PLCH1: variants seen among roughly 807,000 people sequenced by gnomAD.
PLCH1 encodes phospholipase C eta 1.
A neutral mutation model predicts 126.7 loss-of-function variants in PLCH1; 60 were observed. That is an observed-to-expected ratio of 0.47 (90% CI 0.38 to 0.59). The LOEUF (loss-of-function observed/expected upper bound fraction) is 0.59, where lower values mean the gene tolerates loss of function less well. Ranked by LOEUF, PLCH1 falls within the 20% of genes least tolerant of loss-of-function variation. The pLI, the probability that PLCH1 is intolerant of heterozygous loss-of-function variation, is 0.00. For missense variants in PLCH1, 1,723 were observed against 2,040.0 expected, an observed-to-expected ratio of 0.84 and a Z score of 2.99; for synonymous variants, 719 against 734.9, an observed-to-expected ratio of 0.98 and a Z score of 0.35.
At chr3:155,537,207 A>C (rs1469545655) in intron 10 of PLCH1, among the ~76,000 whole-genome samples, 151 of 5,800 alleles carry the variant, frequency 0.026, 2 homozygotes, top group Middle Eastern at 0.25. Context: ...AAAACCAAAA[A>C]AAAAAAAAAA....
intron 2 of PLCH1, among the ~76,000 whole-genome samples, chr3:155,601,336 A>G (rs2108679351): frequency 6.6e-6 from 1 of 152,234 alleles, no homozygotes; most frequent in Middle Eastern, 3.4e-3. Flanking sequence ...TTCTGCCACA[A>G]GCAGTTTAAT....
intron 21 of PLCH1, among the ~76,000 whole-genome samples, chr3:155,455,599 C>G (rs1482296672): frequency 6.6e-6 from 1 of 152,110 alleles, no homozygotes; most frequent in Non-Finnish European, 1.5e-5. Flanking sequence ...AATATTGGTT[C>G]TGGGAACAGA....
intron 2 of PLCH1, among the ~76,000 whole-genome samples, chr3:155,653,247 G>A (rs1740959641): frequency 6.6e-6 from 1 of 152,114 alleles, no homozygotes; most frequent in Non-Finnish European, 1.5e-5. Flanking sequence ...TCAAACTCCT[G>A]GCCTCAAGCA....
chr3:155,583,732 G>A (rs558125734), intron 5 of PLCH1, 90 bp from the exon 6 acceptor site: 9 of 874,660 alleles, frequency 1.0e-5, no homozygotes, highest in Middle Eastern at 7.1e-4. Flanking sequence ...AAAAGAGCTA[G>A]TACACAAATC....
chr3:155,477,952 T>C (rs954136683), downstream of PLCH1, among the ~76,000 whole-genome samples: 2 of 152,188 alleles, frequency 1.3e-5, no homozygotes, highest in African/African-American at 2.4e-5. Context: ...CACTCCTATG[T>C]GTGTTGCAGC....
At position 155,726,912 on chromosome 3, in the gene PLCH1, C is replaced by T. The variant is rs547126897; in HGVS notation, c.-41+17928G>A. Among the ~76,000 whole-genome samples, 61 of 146,016 alleles carry T rather than the reference C, an allele frequency of 4.2e-4. 1 individual carries two copies. The highest frequency in any genetic ancestry group is 1.0e-3 in the Admixed American group (15 of 14,496). On this transcript the variant is annotated intron_variant, in intron 1 of 22. Coordinates refer to ENST00000460012, the MANE Select transcript of PLCH1 (RefSeq NM_014996.4). Reference sequence around the variant, plus strand: ...TTTTTTTGTATTTTTAGTAGAGACACGGTTTCACCACGTTGGCCAGGATGG... The same window carrying T: ...TTTTTTTGTATTTTTAGTAGAGACATGGTTTCACCACGTTGGCCAGGATGG...
chr3:155,609,387 T>C (rs753423830), intron 2 of PLCH1, among the ~76,000 whole-genome samples: 48 of 152,278 alleles, frequency 3.2e-4, no homozygotes, highest in Non-Finnish European at 6.0e-4. Context: ...AAAAAGAATC[T>C]GGACAGCAGC....
chr3:155,458,290 C>T lies in PLCH1; in HGVS notation c.2938+27066G>A, dbSNP rs570655997. ...CTGGGAGGCGGAGGTTGCCGTGAGC[C>T]AAGATTGCACCACTGCACTCCAGCC... On this transcript the variant is annotated intron_variant, in intron 21 of 21. Transcript: ENST00000494598. Among the ~76,000 whole-genome samples the T allele has an allele frequency of 1.3e-4, 18 of 142,948 alleles. No individual in the cohort carries two copies. The East Asian group carries it at 3.1e-3, about 25-fold the overall frequency. The allele number at this position is 142,948 out of a possible 152,430, so 93.8% of individuals were successfully genotyped here. A position where few individuals can be genotyped will look rare whatever the true frequency, so the allele number is the denominator to read the frequency against.
At chr3:155,592,174 T>TA (rs11329108) in intron 4 of PLCH1, among the ~76,000 whole-genome samples, 3,146 of 129,256 alleles carry the variant, frequency 0.024, 115 homozygotes, top group African/African-American at 0.081. Context: ...TTTTCTCTTT[T>TA]AAAAAAAAAA....
chr3:155,726,855 C>T (rs182164601), intron 1 of PLCH1, among the ~76,000 whole-genome samples: 67 of 150,840 alleles, frequency 4.4e-4, no homozygotes, highest in African/African-American at 1.5e-3. Context: ...GCCATCCCAC[C>T]CGGCTAATTT....
intron 2 of PLCH1, among the ~76,000 whole-genome samples, chr3:155,628,356 G>GAAAA (rs34200511): frequency 0.023 from 2,254 of 98,038 alleles, 150 homozygotes; most frequent in African/African-American, 0.084. Flanking sequence ...CTATGCCCAG[G>GAAAA]AAAAAAAAAA....
chr3:155,535,015 G>C (rs1002007084), intron 10 of PLCH1, among the ~76,000 whole-genome samples: 2 of 152,162 alleles, frequency 1.3e-5, no homozygotes, highest in Non-Finnish European at 2.9e-5. Context: ...TATGACAACA[G>C]ACTAATAAAA....
chr3:155,624,994 A>T (rs951148471), intron 2 of PLCH1, among the ~76,000 whole-genome samples: 2 of 152,204 alleles, frequency 1.3e-5, no homozygotes, highest in African/African-American at 2.4e-5. Flanking sequence ...TTCAAACTAT[A>T]CTGCAAGCCT....
chr3:155,648,506 A>C (rs898613855), intron 2 of PLCH1, among the ~76,000 whole-genome samples: 1 of 152,190 alleles, frequency 6.6e-6, no homozygotes, highest in Non-Finnish European at 1.5e-5. Flanking sequence ...ATCAAGGAGA[A>C]AGGCCGGGTC....
chr3:155,494,399 G>A lies in PLCH1; in HGVS notation c.2013C>T (p.Ala671=). Residue 671 remains alanine, a synonymous_variant, in exon 16 of 23, where the codon GCC becomes GCT. Coordinates refer to ENST00000460012, the MANE Select transcript of PLCH1 (RefSeq NM_014996.4). ...TGAAGTTACTGGAATCAATGCGGTA[G>A]GCAGAGGGGTAAATCCTCGTGAGTT... is the stretch of plus-strand genomic sequence containing the variant. ...QKQLTRIYPS[A]YRIDSSNFNP... is the part of the protein sequence containing the mutation. 1.2e-6 allele frequency: 2 copies of A among 1,614,140 alleles called. No individual in the cohort carries two copies. Among genetic ancestry groups the A allele is most frequent in the Non-Finnish European group, 1.7e-6 (2 of 1,179,990 alleles).
chr3:155,659,302 C>CTTTTT (rs753258422), intron 2 of PLCH1, among the ~76,000 whole-genome samples: 478 of 30,834 alleles, frequency 0.016, 168 homozygotes, highest in Non-Finnish European at 0.023. Flanking sequence ...CTATTCACTT[C>CTTTTT]TTTTTTTTTT....
chr3:155,528,967 C>T (rs945253637), intron 10 of PLCH1, among the ~76,000 whole-genome samples: 9 of 152,230 alleles, frequency 5.9e-5, no homozygotes, highest in African/African-American at 2.2e-4. Context: ...ATATTTTATA[C>T]AGGCAGATAG....
chr3:155,468,104 G>T (rs1323791644), intron 21 of PLCH1, among the ~76,000 whole-genome samples: 6 of 152,176 alleles, frequency 3.9e-5, no homozygotes, highest in African/African-American at 1.4e-4. Flanking sequence ...GTTAAAAAGT[G>T]GGGGTATGAA....
chr3:155,525,334 G>A (rs541274826), intron 10 of PLCH1, among the ~76,000 whole-genome samples: 1 of 152,198 alleles, frequency 6.6e-6, no homozygotes, highest in South Asian at 2.1e-4. Flanking sequence ...ATTAAGTCAT[G>A]AGGGCTCCAA....
Sources: gnomAD v4.1 joint callset for allele counts (sites outside exome capture counted in the v4.1 genomes callset) on GRCh38, gnomAD v4.1.1 for gene constraint, MANE v1.5 for transcripts, NCBI Gene and HGNC (gene_info 2026-07-23, HGNC 2026-07-21) for gene names.